Variants in ZNF638 observed in about 807,000 individuals in gnomAD.
ZNF638 encodes the protein zinc finger protein 638, also known as CTCL tumor antigen se33-1.
ZNF638 carries 46 observed loss-of-function variants against 195.6 expected under a neutral mutation model. The ratio of observed to expected loss-of-function variants is 0.24; its 90% CI spans 0.19 to 0.30. The LOEUF (loss-of-function observed/expected upper bound fraction) is 0.30, where lower values mean the gene tolerates loss of function less well. Ranked by LOEUF, ZNF638 falls within the 10% of genes least tolerant of loss-of-function variation. The probability of loss-of-function intolerance (pLI) is 1.00; values close to 1 mark genes in which losing one functional copy is unlikely to be tolerated. For synonymous variants in ZNF638, 845 were observed against 772.0 expected (o/e 1.09, Z -1.57); for missense variants, 2,440 against 2,325.3 (o/e 1.05, Z -1.01).
At chr2:71,429,034 A>G (rs1247352795) in intron 25 of ZNF638, 1 of 168,088 alleles carries the variant, frequency 5.9e-6, no homozygotes, top group African/African-American at 2.4e-5. Flanking sequence ...CAAATAAGGA[A>G]GGGTCTAGTG....
Position 71,398,746 on chromosome 2 carries a change from A to G in ZNF638, c.2474A>G (p.Lys825Arg). The G allele has an allele frequency of 1.2e-6, 2 of 1,613,342 alleles. No homozygotes were observed. The highest frequency in any genetic ancestry group is 1.7e-6 in the Non-Finnish European group (2 of 1,179,460). The change falls in exon 12 of 28, where the codon AAA (lysine) becomes AGA (arginine). Residue 825 changes from lysine (K) to arginine (R), a missense_variant. Physicochemically the swap from Lys to Arg is conservative, Grantham distance 26 (BLOSUM62 2). This residue lies in a region of ZNF638 where 1,883 missense variants were observed against 1,739.1 expected (regional missense o/e 1.08). Transcript: ENST00000264447. ...AAATCTGTGGTAACGGTAGCTGTTA[A>G]AGGTAATAAAGCTTCAATCAAAACA... is the stretch of plus-strand genomic sequence containing the variant. Reference protein sequence around the residue: ...SVKSVVTVAVKGNKASIKTAK... With the variant: ...SVKSVVTVAVRGNKASIKTAK...
intron 6 of ZNF638, among the ~76,000 whole-genome samples, chr2:71,367,010 A>C (rs1360697851): frequency 2.0e-5 from 3 of 152,196 alleles, no homozygotes; most frequent in Non-Finnish European, 4.4e-5. Context: ...TGCTCTCAAC[A>C]GTATTTAAAT....
At position 71,370,257 on chromosome 2, in the gene ZNF638, A is replaced by G. The variant is rs35959683; in HGVS notation, c.2265+252A>G. Among the ~76,000 whole-genome samples the G allele has an allele frequency of 0.26, 39,983 of 152,090 alleles. 6,915 individuals are homozygous for G. The highest frequency in any genetic ancestry group is 0.49 in the African/African-American group (20,218 of 41,458). On this transcript the variant is annotated intron_variant, in intron 8 of 27. Transcript: ENST00000264447. ...ACACAAAAATAGCAAACATCTGTGA[A>G]TCTGGTACCTAGGTCACAAAAGAGA...
chr2:71,363,457 A>G (rs1459224158), intron 4 of ZNF638, among the ~76,000 whole-genome samples: 1 of 152,118 alleles, frequency 6.6e-6, no homozygotes, highest in African/African-American at 2.4e-5. Context: ...AATGCCTTGA[A>G]TGCTAGGAGT....
chr2:71,427,330 C>T lies in ZNF638; in HGVS notation c.5461C>T (p.Leu1821Phe). ...AGCTGTGGACACAAAAAAGACAAAA[C>T]TTGAATCCTTGTCCCAAGTGGGTCC... ...KRAVDTKKTK[L>F]ESLSQVGPVN... Residue 1821 changes from leucine (L) to phenylalanine (F), a missense_variant, in exon 24 of 28, where the codon CTT becomes TTT. Physicochemically the swap from Leu to Phe is conservative, Grantham distance 22 (BLOSUM62 0). Coordinates refer to ENST00000264447, the MANE Select transcript of ZNF638 (RefSeq NM_014497.5). 1.2e-6 allele frequency: 2 copies of T among 1,609,136 alleles called. No individual in the cohort carries two copies. The highest frequency in any genetic ancestry group is 1.7e-6 in the Non-Finnish European group (2 of 1,179,006).
chr2:71,424,294 A>G (rs1388425691), intron 22 of ZNF638, among the ~76,000 whole-genome samples: 3 of 146,206 alleles, frequency 2.1e-5, no homozygotes, highest in Non-Finnish European at 1.5e-5. Context: ...TGTGGTTTAA[A>G]AAAAAAAAAA....
Position 71,348,735 on chromosome 2 carries a change from TTG to T in ZNF638, c.-202-14_-202-13del. On this transcript the variant is annotated splice_polypyrimidine_tract_variant and intron_variant, in intron 1 of 27. Transcript: ENST00000264447. The stretch of plus-strand genomic sequence containing the variant: ...AGTTTGAGTTAAAATGATCTAATAT[TTG>T]TGTTTTAACTTTCAGCTTTGTGTTA... 6.6e-7 allele frequency: 1 copy of T among 1,509,988 alleles called. No individual in the cohort carries two copies. The highest frequency in any genetic ancestry group is 8.8e-7 in the Non-Finnish European group (1 of 1,131,820). The allele number at this position is 1,509,988 out of a possible 1,614,324, so 93.5% of individuals were successfully genotyped here.
At chr2:71,387,600 G>A (rs2079668712) in intron 10 of ZNF638, among the ~76,000 whole-genome samples, 1 of 152,002 alleles carries the variant, frequency 6.6e-6, no homozygotes, top group South Asian at 2.1e-4. Context: ...GAACCTGGGA[G>A]GTGGAGGTTG....
rs781744737 is a variant in ZNF638 at position 71,396,142 on chromosome 2, C to G, written c.2379C>G (p.Ala793=). The part of the protein sequence containing the change: ...AVEIVTSTSA[A]KTGQAKASVA... ...TAAATGTTTTTCTTGTTGTTTTAGC[C>G]AAAACTGGACAAGCCAAGGCATCTG... is the stretch of plus-strand genomic sequence containing the variant. Residue 793 remains alanine (A), a splice_region_variant and synonymous_variant, in exon 11 of 28, where the codon GCC becomes GCG. Transcript: ENST00000264447. 5.6e-6 allele frequency: 9 copies of G among 1,612,352 alleles called. No individual in the cohort carries two copies. Among genetic ancestry groups the G allele is most frequent in the South Asian group, 5.5e-5 (5 of 90,602 alleles).
chr2:71,417,833 C>CA (rs1419881315), intron 20 of ZNF638, among the ~76,000 whole-genome samples: 1 of 152,176 alleles, frequency 6.6e-6, no homozygotes, highest in East Asian at 1.9e-4. Flanking sequence ...CTGTTGGACT[C>CA]AAACACCTAT....
At chr2:71,402,279 G>T (rs1376857620) in intron 16 of ZNF638, among the ~76,000 whole-genome samples, 192 bp downstream of exon 16, 1 of 152,128 alleles carries the variant, frequency 6.6e-6, no homozygotes, top group Non-Finnish European at 1.5e-5. Context: ...TAGTTTTAAT[G>T]ATGGGGACAA....
At chr2:71,397,989 T>G (rs936347358) in intron 11 of ZNF638, among the ~76,000 whole-genome samples, 10 of 152,156 alleles carry the variant, frequency 6.6e-5, no homozygotes, top group African/African-American at 2.4e-4. Context: ...GCCGTGGAAG[T>G]GTGGGTTGGG....
At chr2:71,331,989 G>C in intron 1 of ZNF638, 114 bp downstream of exon 1, 1 of 948,418 alleles carries the variant, frequency 1.1e-6, no homozygotes, top group Non-Finnish European at 1.3e-6. Flanking sequence ...TGTCGCAGCG[G>C]CTCCGCACAA....
intron 10 of ZNF638, chr2:71,395,706 C>A (rs962022913): frequency 6.7e-6 from 3 of 449,244 alleles, no homozygotes; most frequent in Admixed American, 2.9e-5. Context: ...TGCATTCTCT[C>A]TTTGGTGTCT....
chr2:71,346,015 C>T (rs976240057), intron 1 of ZNF638, among the ~76,000 whole-genome samples: 3 of 152,154 alleles, frequency 2.0e-5, no homozygotes, highest in Non-Finnish European at 4.4e-5. Flanking sequence ...ATGTTGGGCA[C>T]ATTAGGAAAT....
At chr2:71,378,297 A>G (rs1454620322) in intron 8 of ZNF638, among the ~76,000 whole-genome samples, 1 of 152,220 alleles carries the variant, frequency 6.6e-6, no homozygotes, top group African/African-American at 2.4e-5. Context: ...GTAGTTTCAA[A>G]TTTCTTTTAA....
At chr2:71,370,553 C>T (rs934580425) in intron 8 of ZNF638, among the ~76,000 whole-genome samples, 2 of 152,034 alleles carry the variant, frequency 1.3e-5, no homozygotes, top group Admixed American at 1.3e-4. Context: ...CTTTAAATTA[C>T]CCTTTAAGGA....
At chr2:71,352,361 C>T (rs965700108) in intron 2 of ZNF638, among the ~76,000 whole-genome samples, 1 of 151,856 alleles carries the variant, frequency 6.6e-6, no homozygotes, top group African/African-American at 2.4e-5. Flanking sequence ...ACCTGTAATT[C>T]CAGCTACTCA....
At position 71,407,951 on chromosome 2, in the gene ZNF638, TTGTC is replaced by T. The variant is rs776997719; in HGVS notation, c.3136-167_3136-164del. 146 of 544,280 alleles carry T rather than the reference TTGTC, an allele frequency of 2.7e-4. 1 individual carries two copies. Among genetic ancestry groups the T allele is most frequent in the Middle Eastern group, 5.0e-4 (1 of 1,994 alleles). 33.7% of individuals were successfully genotyped at this position (544,280 alleles called of 1,614,324 possible). On this transcript the variant is annotated intron_variant, in intron 19 of 27. Coordinates refer to ENST00000264447, the MANE Select transcript of ZNF638 (RefSeq NM_014497.5). ...ATGGACAGTTGGGTTGCTTCTCCCT[TTGTC>T]TGTTGTGAATAATGCTTCTGTGAAC... is the stretch of plus-strand genomic sequence containing the variant.
Sources: allele counts gnomAD v4.1 joint callset (sites outside exome capture counted in the v4.1 genomes callset), GRCh38; gene constraint gnomAD v4.1.1; regional missense constraint gnomAD v4.1.1; transcripts MANE v1.5; gene names NCBI Gene and HGNC (gene_info 2026-07-23, HGNC 2026-07-21).